PCDH7: variants seen among roughly 807,000 people sequenced by gnomAD.
PCDH7 encodes the protein protocadherin 7, also known as protocadherin-7.
In PCDH7, 17 loss-of-function variants were observed where a neutral mutation model predicts 58.9. The observed-to-expected ratio is 0.29, with a 90% CI of 0.20 to 0.43. The LOEUF is 0.43. Among genes scored for constraint, PCDH7 ranks in the 20% least tolerant of loss-of-function variants. The pLI is 1.00. For synonymous variants in PCDH7, 664 were observed against 616.4 expected (o/e 1.08, Z -1.14); for missense variants, 1,274 against 1,441.0 (o/e 0.88, Z 1.88).
chr4:30,858,466 A>G (rs541213654), intron 1 of PCDH7, among the ~76,000 whole-genome samples: 10 of 152,242 alleles, frequency 6.6e-5, no homozygotes, highest in African/African-American at 2.2e-4. Flanking sequence ...TTTTGCTAGC[A>G]TAAGTTTTTC....
At chr4:31,040,000 C>A (rs1334400269) in intron 3 of PCDH7, among the ~76,000 whole-genome samples, 1 of 152,076 alleles carries the variant, frequency 6.6e-6, no homozygotes, top group Admixed American at 6.5e-5. Flanking sequence ...AAAGGGGTTC[C>A]AAGATGATAT....
In PCDH7 at chr4:31,049,999, T is replaced by A. The variant is rs969646386; in HGVS notation, c.*8-92474T>A. Among the ~76,000 whole-genome samples the A allele has an allele frequency of 1.1e-4, 16 of 152,126 alleles. 1 individual carries two copies. Among genetic ancestry groups the A allele is most frequent in the South Asian group, 4.1e-4 (2 of 4,830 alleles). On this transcript the variant is annotated intron_variant, in intron 3 of 3. Coordinates refer to the PCDH7 transcript ENST00000509759. ...CACTAAAAATAGGGGAAGTGGATTC[T>A]GAGTGGCAAAAATACAAATGTCTAC...
intron 1 of PCDH7, among the ~76,000 whole-genome samples, chr4:30,850,044 T>A (rs1401102898): frequency 6.6e-6 from 1 of 152,160 alleles, no homozygotes; most frequent in Non-Finnish European, 1.5e-5. Flanking sequence ...TTCTAGATCC[T>A]TTATCTCTTT....
intron 1 of PCDH7, among the ~76,000 whole-genome samples, chr4:30,764,349 G>A (rs1720420507): frequency 6.6e-6 from 1 of 152,108 alleles, no homozygotes; most frequent in African/African-American, 2.4e-5. Context: ...TATGCTTAAT[G>A]GGTACTTTAC....
chr4:30,822,684 A>T (rs1018285483), intron 1 of PCDH7, among the ~76,000 whole-genome samples: 1 of 152,066 alleles, frequency 6.6e-6, no homozygotes, highest in East Asian at 1.9e-4. Context: ...TCTTGTGGTC[A>T]TTGCACAAGA....
chr4:30,803,207 G>T (rs961530874), intron 1 of PCDH7, among the ~76,000 whole-genome samples: 1 of 152,124 alleles, frequency 6.6e-6, no homozygotes, highest in African/African-American at 2.4e-5. Flanking sequence ...CACAATTTTA[G>T]ATATTACAGT....
chr4:30,764,018 A>C (rs1219607566), intron 1 of PCDH7, among the ~76,000 whole-genome samples: 1 of 152,190 alleles, frequency 6.6e-6, no homozygotes, highest in East Asian at 1.9e-4. Context: ...TTTTCATTTA[A>C]TCTATGACTG....
At chr4:31,057,718 A>G (rs1343615176) in intron 3 of PCDH7, among the ~76,000 whole-genome samples, 2 of 152,134 alleles carry the variant, frequency 1.3e-5, no homozygotes, top group African/African-American at 4.8e-5. Flanking sequence ...GCTCATTACT[A>G]TACATCTCCA....
At chr4:30,953,097 C>T (rs1252954451) in intron 3 of PCDH7, among the ~76,000 whole-genome samples, 2 of 152,078 alleles carry the variant, frequency 1.3e-5, no homozygotes, top group African/African-American at 4.8e-5. Context: ...TTAGATTGTG[C>T]ATGCACCCCT....
At chr4:30,837,107 A>AT (rs139805039) in intron 1 of PCDH7, among the ~76,000 whole-genome samples, 1,663 of 150,496 alleles carry the variant, frequency 0.011, 26 homozygotes, top group African/African-American at 0.038. Context: ...TGTCTTTTTA[A>AT]TTTTTTTTTT....
intron 3 of PCDH7, among the ~76,000 whole-genome samples, chr4:30,997,159 A>G (rs911556394): frequency 1.1e-4 from 17 of 152,142 alleles, no homozygotes; most frequent in Non-Finnish European, 2.2e-4. Context: ...CTTTATGGGA[A>G]AATTTACCAG....
chr4:30,845,327 G>T (rs1190649416), intron 1 of PCDH7, among the ~76,000 whole-genome samples: 3 of 152,110 alleles, frequency 2.0e-5, no homozygotes, highest in African/African-American at 7.2e-5. Context: ...GTTAGTGTGA[G>T]ATGTTTATTT....
chr4:30,862,735 A>C (rs1422142562), intron 1 of PCDH7, among the ~76,000 whole-genome samples: 2 of 152,090 alleles, frequency 1.3e-5, no homozygotes, highest in African/African-American at 2.4e-5. Flanking sequence ...CAACAACAAA[A>C]GGGTCATAAG....
chr4:30,920,094 A>G (rs1742988006), intron 1 of PCDH7, 59 bp from the exon 2 acceptor site: 1 of 1,247,564 alleles, frequency 8.0e-7, no homozygotes, highest in South Asian at 1.2e-5. Flanking sequence ...TGTATTTTTT[A>G]AAATAAGATC....
At chr4:30,979,192 G>A (rs1750334633) in intron 3 of PCDH7, among the ~76,000 whole-genome samples, 1 of 151,828 alleles carries the variant, frequency 6.6e-6, no homozygotes, top group South Asian at 2.1e-4. Flanking sequence ...TGGGCGTGGT[G>A]GTGGGTGCCC....
At chr4:31,055,435 A>T (rs1221924144) in intron 3 of PCDH7, among the ~76,000 whole-genome samples, 4 of 152,148 alleles carry the variant, frequency 2.6e-5, no homozygotes, top group African/African-American at 7.2e-5. Context: ...ATAGGTTTTT[A>T]AAAAATCTAG....
At chr4:31,043,973 G>A (rs1756088852) in intron 3 of PCDH7, among the ~76,000 whole-genome samples, 1 of 152,122 alleles carries the variant, frequency 6.6e-6, no homozygotes, top group Non-Finnish European at 1.5e-5. Context: ...GAGCTGGCTG[G>A]AAGTAGTTTA....
At position 31,122,775 on chromosome 4, in the gene PCDH7, G is replaced by A. The variant is rs78474722; in HGVS notation, c.*8-19698G>A. 2.9e-3 allele frequency among the ~76,000 whole-genome samples: 440 copies of A among 151,224 alleles called. 13 individuals are homozygous for A. In the East Asian group the frequency reaches 0.058, roughly 20 times the overall value. The stretch of plus-strand genomic sequence containing the variant: ...TTAAGCAGTAAAAAAAATATGATTC[G>A]AAAATATATAAAATAGCAATTATAT... On this transcript the variant is annotated intron_variant, in intron 3 of 3. Transcript: ENST00000509759.
downstream of PCDH7, among the ~76,000 whole-genome samples, chr4:30,736,081 T>C (rs111733682): frequency 5.9e-3 from 894 of 152,308 alleles, 13 homozygotes; most frequent in African/African-American, 0.02. Flanking sequence ...CTACTGCTGT[T>C]AGACAAGTAT....
Sources: allele counts gnomAD v4.1 joint callset (sites outside exome capture counted in the v4.1 genomes callset), GRCh38; gene constraint gnomAD v4.1.1; transcripts MANE v1.5; gene names NCBI Gene and HGNC (gene_info 2026-07-23, HGNC 2026-07-21).